KDM2B: variants seen among roughly 807,000 people sequenced by gnomAD.
KDM2B encodes lysine-specific demethylase 2B.
A neutral mutation model predicts 150.0 loss-of-function variants in KDM2B; 26 were observed. The observed-to-expected ratio is 0.17, with a 90% CI of 0.13 to 0.24. The LOEUF is 0.24. KDM2B is among the 10% of genes least tolerant of loss of function. The pLI, the probability that KDM2B is intolerant of heterozygous loss-of-function variation, is 1.00. For missense variants in KDM2B, 1,265 were observed against 1,816.9 expected (o/e 0.70, Z 5.52); for synonymous variants, 734 against 729.5 (o/e 1.01, Z -0.10).
chr12:121,557,950 G>A (rs1370840820), intron 4 of KDM2B, among the ~76,000 whole-genome samples: 3 of 152,198 alleles, frequency 2.0e-5, no homozygotes, highest in African/African-American at 7.2e-5. Flanking sequence ...GGTATAAGCG[G>A]ATCACGGGGC....
In KDM2B at chr12:121,453,306, C is replaced by T. The variant is rs1555292110; in HGVS notation, c.1773G>A (p.Pro591=). 1 of 1,596,754 alleles carries T rather than the reference C, an allele frequency of 6.3e-7. No homozygotes were observed. Among genetic ancestry groups the T allele is most frequent in the Non-Finnish European group, 8.5e-7 (1 of 1,171,668 alleles). Residue 591 remains proline (P), a synonymous_variant, in exon 13 of 23, where the codon CCG becomes CCA. Coordinates refer to ENST00000377071, the MANE Select transcript of KDM2B (RefSeq NM_032590.5). The surrounding 1 kb of genome is among the most constrained non-coding windows in gnomAD (Gnocchi z 6.4). The part of the protein sequence containing the change: ...AVGRPKGKLG[P]ASAVKLAANR... ...TGGCGGCCAACTTCACCGCGGAGGC[C>T]GGGCCCAGCTTCCCCTTGGGCCGAC...
At chr12:121,459,980 A>G (rs1878866425) in intron 12 of KDM2B, among the ~76,000 whole-genome samples, 1 of 152,248 alleles carries the variant, frequency 6.6e-6, no homozygotes, top group Non-Finnish European at 1.5e-5. Flanking sequence ...TAATAAAGAG[A>G]TGAATAGGTA....
intron 22 of KDM2B, among the ~76,000 whole-genome samples, chr12:121,435,906 T>C (rs1179385896): frequency 6.6e-6 from 1 of 152,072 alleles, no homozygotes; most frequent in Non-Finnish European, 1.5e-5. Flanking sequence ...GCCCAGAGCT[T>C]CTGATCACCC....
At chr12:121,540,961 A>G (rs1888559760) in intron 6 of KDM2B, among the ~76,000 whole-genome samples, 2 of 151,980 alleles carry the variant, frequency 1.3e-5, no homozygotes, top group African/African-American at 4.8e-5. Context: ...GGCCAGGTGC[A>G]GTGGCTTGAG....
chr12:121,439,097 G>A (rs1475127941), intron 22 of KDM2B, among the ~76,000 whole-genome samples: 2 of 152,104 alleles, frequency 1.3e-5, no homozygotes, highest in African/African-American at 4.8e-5. Context: ...CTCACTGTGG[G>A]TTTTTTTCTC....
Position 121,467,455 on chromosome 12 carries a change from G to T in KDM2B, c.1735-14111C>A. On this transcript the variant is annotated intron_variant, in intron 12 of 22. Coordinates refer to ENST00000377071, the MANE Select transcript of KDM2B (RefSeq NM_032590.5). This position sits in a 1 kb window ranked among gnomAD's most constrained non-coding sequence, Gnocchi z 5.1. ...CATGAGGCGAGCCAGGAAGGGGCTGGCCCCCCGGGCGGGCGGGCCAATGGC... is the reference window on the plus strand; with the variant it reads ...CATGAGGCGAGCCAGGAAGGGGCTGTCCCCCCGGGCGGGCGGGCCAATGGC... 1.5e-6 allele frequency: 1 copy of T among 681,606 alleles called. No homozygotes were observed. Among genetic ancestry groups the T allele is most frequent in the Non-Finnish European group, 1.8e-6 (1 of 555,108 alleles). The allele number at this position is 681,606 out of a possible 1,614,324, so 42.2% of individuals were successfully genotyped here.
chr12:121,481,683 C>T (rs1296752026), intron 12 of KDM2B, among the ~76,000 whole-genome samples: 1 of 152,144 alleles, frequency 6.6e-6, no homozygotes, highest in Non-Finnish European at 1.5e-5. Context: ...GGTTATAGTA[C>T]CTGCGTGGCT....
intron 13 of KDM2B, among the ~76,000 whole-genome samples, chr12:121,449,590 G>A (rs1876879426): frequency 6.6e-6 from 1 of 152,250 alleles, no homozygotes; most frequent in African/African-American, 2.4e-5. Flanking sequence ...CCCAGCACAC[G>A]GGGGCTGGGA....
the KDM2B span, chr12:121,423,741 G>T: frequency 3.1e-6 from 2 of 647,664 alleles, no homozygotes; most frequent in Non-Finnish European, 5.1e-6. The surrounding 1 kb of genome is among the most constrained non-coding windows in gnomAD (Gnocchi z 4.3). Flanking sequence ...GGAAACATTG[G>T]TCCATGCCGT....
At chr12:121,464,415 C>T (rs1370090127) in intron 12 of KDM2B, among the ~76,000 whole-genome samples, 2 of 152,232 alleles carry the variant, frequency 1.3e-5, no homozygotes, top group African/African-American at 2.4e-5. Context: ...AGGGGTCTCC[C>T]GCCAACATGG....
rs782012790 is a variant in KDM2B, at chr12:121,430,528, C to A, written c.3830-59G>T. ...GGCCAGGAGCCAGAAGCCCCCCCGC[C>A]GCCAGACCCAGGCACTCAGCAGTGG... is the stretch of plus-strand genomic sequence containing the variant. On this transcript the variant is annotated intron_variant, in intron 22 of 22. Transcript: ENST00000377071. The surrounding 1 kb of genome is among the most constrained non-coding windows in gnomAD (Gnocchi z 4.4). 1 of 1,301,290 alleles carries A rather than the reference C, an allele frequency of 7.7e-7. No homozygotes were observed. Among genetic ancestry groups the A allele is most frequent in the Non-Finnish European group, 1.1e-6 (1 of 897,920 alleles). 80.6% of individuals were successfully genotyped at this position (1,301,290 alleles called of 1,614,324 possible). A position where few individuals can be genotyped will look rare whatever the true frequency, so the allele number is the denominator to read the frequency against.
At chr12:121,480,362 T>C (rs1881953979) in intron 12 of KDM2B, among the ~76,000 whole-genome samples, 1 of 152,010 alleles carries the variant, frequency 6.6e-6, no homozygotes, top group Non-Finnish European at 1.5e-5. Flanking sequence ...CTTGGACAAA[T>C]GCATAGAGTG....
At chr12:121,576,786 G>A (rs371459337) in intron 2 of KDM2B, among the ~76,000 whole-genome samples, 35 of 152,262 alleles carry the variant, frequency 2.3e-4, no homozygotes, top group African/African-American at 8.4e-4. Flanking sequence ...AAAGTAATCC[G>A]CAAGGTAAGA....
chr12:121,500,373 G>T (rs1163791481), intron 11 of KDM2B, among the ~76,000 whole-genome samples: 1 of 152,174 alleles, frequency 6.6e-6, no homozygotes, highest in Non-Finnish European at 1.5e-5. Context: ...TCCAACCGTG[G>T]GACCCTTTCT....
chr12:121,497,695 A>C (rs1884122839), intron 11 of KDM2B, among the ~76,000 whole-genome samples: 1 of 152,224 alleles, frequency 6.6e-6, no homozygotes, highest in Non-Finnish European at 1.5e-5. Flanking sequence ...TGTCAAGGTC[A>C]TCAAAACAAG....
In KDM2B at chr12:121,445,304, T is replaced by C. The variant is rs782370589; in HGVS notation, c.2074A>G (p.Asn692Asp). The C allele has an allele frequency of 6.2e-7, 1 of 1,614,106 alleles. No individual in the cohort carries two copies. The highest frequency in any genetic ancestry group is 8.5e-7 in the Non-Finnish European group (1 of 1,179,998). The change falls in exon 14 of 23, where the codon AAT (asparagine) becomes GAT (aspartate). Residue 692 changes from asparagine to aspartate, a missense_variant. Transcript: ENST00000377071. ...AGGCATCCAGGGTGGATGATTTCAT[T>C]GCAGATGGAGCACTCCATGAGCATG... ...NLMLMECSIC[N>D]EIIHPGCLKI...
intron 9 of KDM2B, chr12:121,516,436 C>CT (rs2141069329): frequency 7.9e-7 from 1 of 1,271,660 alleles, no homozygotes; most frequent in Admixed American, 2.4e-5. Flanking sequence ...GAGAGGACTG[C>CT]GGGAAACAAA....
chr12:121,522,129 G>C (rs548074215), intron 8 of KDM2B, among the ~76,000 whole-genome samples: 1 of 151,620 alleles, frequency 6.6e-6, no homozygotes, highest in Non-Finnish European at 1.5e-5. Context: ...AAGAAGAAAC[G>C]ATAATAGAGG....
Position 121,551,497 on chromosome 12 carries a change from C to T in KDM2B, c.398-1859G>A, listed in dbSNP as rs544138768. On this transcript the variant is annotated intron_variant, in intron 4 of 22. Coordinates refer to ENST00000377071, the MANE Select transcript of KDM2B (RefSeq NM_032590.5). ...AATAGCTGGGACTACAGGGCGGCACCACCACATCCAACCAGGTTTTTATTT... is the reference window on the plus strand; with the variant it reads ...AATAGCTGGGACTACAGGGCGGCACTACCACATCCAACCAGGTTTTTATTT... 3.3e-5 allele frequency among the ~76,000 whole-genome samples: 5 copies of T among 152,112 alleles called. No individual in the cohort carries two copies. The South Asian group carries it at 6.2e-4, about 19-fold the overall frequency.
Sources: allele counts gnomAD v4.1 joint callset (sites outside exome capture counted in the v4.1 genomes callset), GRCh38; gene constraint gnomAD v4.1.1; non-coding constraint Gnocchi (gnomAD v3.1); transcripts MANE v1.5; gene names NCBI Gene and HGNC (gene_info 2026-07-23, HGNC 2026-07-21).